Variants in MAP3K5 observed in about 807,000 individuals in gnomAD.
The protein encoded by MAP3K5 is ASK-1.
MAP3K5 carries 56 observed loss-of-function variants against 158.7 expected under a neutral mutation model. The ratio of observed to expected loss-of-function variants is 0.35; its 90% CI spans 0.28 to 0.44. MAP3K5 has a LOEUF of 0.44. MAP3K5 is among the 20% of genes least tolerant of loss of function. MAP3K5 has a pLI of 1.00. For synonymous variants in MAP3K5, 579 were observed against 601.7 expected, an observed-to-expected ratio of 0.96 and a Z score of 0.55; for missense variants, 1,294 against 1,674.8, an observed-to-expected ratio of 0.77 and a Z score of 3.97.
chr6:136,589,169 A>T (rs1350361587), intron 23 of MAP3K5, among the ~76,000 whole-genome samples: 1 of 152,234 alleles, frequency 6.6e-6, no homozygotes, highest in Non-Finnish European at 1.5e-5. Flanking sequence ...ATCTCAATAA[A>T]AGATGAGAAC....
chr6:136,703,025 TC>T (rs2114697208), intron 3 of MAP3K5, among the ~76,000 whole-genome samples: 1 of 152,226 alleles, frequency 6.6e-6, no homozygotes, highest in South Asian at 2.1e-4. Context: ...GTTTTTTCTT[TC>T]TTTTTTTTTA....
At chr6:136,697,631 TAATA>T (rs1410941209) in intron 4 of MAP3K5, among the ~76,000 whole-genome samples, 3 of 151,526 alleles carry the variant, frequency 2.0e-5, no homozygotes, top group African/African-American at 7.4e-5. Flanking sequence ...TACTCCATAT[TAATA>T]AATTTTCCTG....
intron 8 of MAP3K5, among the ~76,000 whole-genome samples, chr6:136,668,979 C>T (rs1398421631): frequency 6.6e-6 from 1 of 152,110 alleles, no homozygotes; most frequent in East Asian, 1.9e-4. Context: ...AAACAGTAAC[C>T]TTATTTAGGA....
At chr6:136,761,006 C>T (rs1783727079) in intron 1 of MAP3K5, among the ~76,000 whole-genome samples, 1 of 152,008 alleles carries the variant, frequency 6.6e-6, no homozygotes, top group Non-Finnish European at 1.5e-5. Context: ...CAGAGAGAAG[C>T]TCCAGAGAGG....
intron 7 of MAP3K5, among the ~76,000 whole-genome samples, chr6:136,676,793 C>CTTTTTTTTT (rs67161871): frequency 7.6e-6 from 1 of 130,732 alleles, no homozygotes; most frequent in Non-Finnish European, 1.6e-5. Flanking sequence ...CTTTTCTTTT[C>CTTTTTTTTT]TTTTTTTTTT....
intron 8 of MAP3K5, among the ~76,000 whole-genome samples, chr6:136,667,003 A>C (rs1779256132): frequency 6.6e-6 from 1 of 152,160 alleles, no homozygotes; most frequent in Admixed American, 6.5e-5. Flanking sequence ...TATTAATCAC[A>C]TTTCCTCAAA....
chr6:136,572,533 A>C (rs1774417812), intron 25 of MAP3K5, among the ~76,000 whole-genome samples: 2 of 152,382 alleles, frequency 1.3e-5, no homozygotes, highest in Admixed American at 1.3e-4. Flanking sequence ...CTGGGATTAC[A>C]GGCGTGAGCC....
At chr6:136,765,515 ATTTT>A (rs1352220333) in intron 1 of MAP3K5, among the ~76,000 whole-genome samples, 1 of 135,920 alleles carries the variant, frequency 7.4e-6, no homozygotes, top group Admixed American at 7.1e-5. Flanking sequence ...ATCTTTTTTT[ATTTT>A]TTTATTTTTT....
chr6:136,777,883 A>G (rs1280106560), intron 1 of MAP3K5, among the ~76,000 whole-genome samples: 2 of 152,218 alleles, frequency 1.3e-5, no homozygotes, highest in African/African-American at 4.8e-5. Context: ...CATCATCAAC[A>G]AGCAAGCAAC....
At chr6:136,684,725 C>T (rs1359324020) in intron 7 of MAP3K5, among the ~76,000 whole-genome samples, 1 of 152,168 alleles carries the variant, frequency 6.6e-6, no homozygotes, top group African/African-American at 2.4e-5. Context: ...TGTCCTCTAA[C>T]TAGCATGTGA....
chr6:136,583,294 C>T (rs1000424471), intron 24 of MAP3K5, among the ~76,000 whole-genome samples: 6 of 152,024 alleles, frequency 3.9e-5, no homozygotes, highest in Non-Finnish European at 8.8e-5. Flanking sequence ...TTCATAAGAA[C>T]GAAGTTCAGC....
chr6:136,619,807 A>G (rs927946342), intron 15 of MAP3K5, among the ~76,000 whole-genome samples: 2 of 152,228 alleles, frequency 1.3e-5, no homozygotes, highest in African/African-American at 4.8e-5. Flanking sequence ...AATATCTTGC[A>G]GAGGCTGATA....
chr6:136,744,211 T>C (rs1256715481), intron 1 of MAP3K5, among the ~76,000 whole-genome samples: 1 of 152,084 alleles, frequency 6.6e-6, no homozygotes, highest in South Asian at 2.1e-4. Context: ...TTGTAACAAA[T>C]GCACCACTCT....
At position 136,611,243 on chromosome 6, in the gene MAP3K5, T is replaced by C. The variant is rs139707717; in HGVS notation, c.2521+39A>G. The C allele has an allele frequency of 9.7e-5, 124 of 1,271,854 alleles. No individual in the cohort carries two copies. The African/African-American group carries it at 1.7e-3, about 17-fold the overall frequency. 78.8% of individuals were successfully genotyped at this position (1,271,854 alleles called of 1,614,324 possible). ...TGCTCAAACTCAGCAATTATTTCTT[T>C]AATTACATAAGATCTGTATCATCAT... On this transcript the variant is annotated intron_variant, in intron 18 of 29. Transcript: ENST00000359015.
chr6:136,733,636 C>CT (rs545777291), intron 1 of MAP3K5, among the ~76,000 whole-genome samples: 141 of 150,758 alleles, frequency 9.4e-4, no homozygotes, highest in African/African-American at 3.1e-3. Flanking sequence ...CAAAAAAAAC[C>CT]TTTTTTTTTA....
At chr6:136,699,517 G>T (rs1780753926) in intron 3 of MAP3K5, among the ~76,000 whole-genome samples, 1 of 152,126 alleles carries the variant, frequency 6.6e-6, no homozygotes, top group Non-Finnish European at 1.5e-5. Flanking sequence ...GCCTGACTAC[G>T]CAGATCCTGC....
chr6:136,780,010 G>C (rs1481985412), intron 1 of MAP3K5, among the ~76,000 whole-genome samples: 2 of 152,192 alleles, frequency 1.3e-5, no homozygotes, highest in African/African-American at 2.4e-5. Flanking sequence ...GACAGGCATA[G>C]GGCCTGCTGA....
At chr6:136,656,245 TCA>T in intron 10 of MAP3K5, 60 bp downstream of exon 10, 1 of 1,489,112 alleles carries the variant, frequency 6.7e-7, no homozygotes, top group Non-Finnish European at 9.4e-7. Context: ...ACTGATACAA[TCA>T]CAGTACAAGA....
intron 18 of MAP3K5, among the ~76,000 whole-genome samples, chr6:136,608,573 T>C: frequency 6.6e-6 from 1 of 151,800 alleles, no homozygotes; most frequent in East Asian, 1.9e-4. Context: ...GACAGAAGAG[T>C]GTGCCGGGGA....
Sources: allele counts gnomAD v4.1 joint callset (sites outside exome capture counted in the v4.1 genomes callset), GRCh38; gene constraint gnomAD v4.1.1; transcripts MANE v1.5; gene names NCBI Gene and HGNC (gene_info 2026-07-23, HGNC 2026-07-21).